Variants in FRMD4A observed in about 807,000 individuals in gnomAD.
FRMD4A encodes FERM domain containing 4A, also known as FERM domain-containing protein 4A.
In FRMD4A, 29 loss-of-function variants were observed where a neutral mutation model predicts 129.1. The observed-to-expected ratio is 0.22, with a 90% CI of 0.17 to 0.31. The LOEUF is 0.31. Ranked by LOEUF, FRMD4A falls within the 10% of genes least tolerant of loss-of-function variation. FRMD4A has a pLI of 1.00. For synonymous variants in FRMD4A, 634 were observed against 571.6 expected, an observed-to-expected ratio of 1.11 and a Z score of -1.56; for missense variants, 1,272 against 1,375.8, an observed-to-expected ratio of 0.92 and a Z score of 1.19.
intron 23 of FRMD4A, chr10:13,654,082 G>T: frequency 2.2e-6 from 1 of 457,080 alleles, no homozygotes; most frequent in Non-Finnish European, 3.8e-6. Context: ...CTGGCATTTT[G>T]AGTCAGCCTG....
intron 2 of FRMD4A, among the ~76,000 whole-genome samples, chr10:14,319,928 G>A (rs915010629): frequency 6.6e-6 from 1 of 152,028 alleles, no homozygotes; most frequent in African/African-American, 2.4e-5. Context: ...ATGTGTCATG[G>A]TCCCTGCACC....
At chr10:13,803,198 C>T (rs2093292465) in intron 4 of FRMD4A, among the ~76,000 whole-genome samples, 1 of 149,072 alleles carries the variant, frequency 6.7e-6, no homozygotes, top group African/African-American at 2.5e-5. Flanking sequence ...TCACTATAAA[C>T]CTTTAATAAT....
intron 2 of FRMD4A, among the ~76,000 whole-genome samples, chr10:14,080,774 G>A (rs769982565): frequency 3.3e-5 from 5 of 152,012 alleles, no homozygotes; most frequent in Non-Finnish European, 7.4e-5. Context: ...TCAGTGTCCA[G>A]TTGGCATCTC....
At chr10:13,741,228 T>C (rs2090987846) in intron 9 of FRMD4A, among the ~76,000 whole-genome samples, 1 of 151,272 alleles carries the variant, frequency 6.6e-6, no homozygotes, top group African/African-American at 2.4e-5. Context: ...CATGGGGGGA[T>C]TGCTTGAGCC....
At chr10:14,215,030 T>A (rs114394494) in intron 2 of FRMD4A, among the ~76,000 whole-genome samples, 1,633 of 152,318 alleles carry the variant, frequency 0.011, 26 homozygotes, top group African/African-American at 0.037. Flanking sequence ...TTGGATCACT[T>A]AATGAGATTA....
intron 2 of FRMD4A, among the ~76,000 whole-genome samples, chr10:14,058,761 C>T (rs1156575899): frequency 1.3e-5 from 2 of 152,090 alleles, no homozygotes; most frequent in Non-Finnish European, 2.9e-5. Context: ...GCCACAGGGT[C>T]CCGGTGACTA....
chr10:14,267,692 G>A (rs755808986), intron 2 of FRMD4A, among the ~76,000 whole-genome samples: 13 of 152,178 alleles, frequency 8.5e-5, no homozygotes, highest in South Asian at 2.1e-4. Flanking sequence ...TCAGGTTTGC[G>A]TTGGGATAAA....
intron 2 of FRMD4A, among the ~76,000 whole-genome samples, chr10:14,117,641 C>G (rs1300565863): frequency 1.3e-5 from 2 of 152,182 alleles, no homozygotes; most frequent in African/African-American, 2.4e-5. Flanking sequence ...GCAAGATAGG[C>G]TGGTCACCTG....
intron 2 of FRMD4A, among the ~76,000 whole-genome samples, chr10:14,078,371 C>T (rs1426187474): frequency 6.6e-6 from 1 of 152,228 alleles, no homozygotes; most frequent in Non-Finnish European, 1.5e-5. Flanking sequence ...TGGCAACAGG[C>T]TCAAGGCTAT....
chr10:14,282,930 C>T (rs1729603113), intron 2 of FRMD4A, among the ~76,000 whole-genome samples: 1 of 152,196 alleles, frequency 6.6e-6, no homozygotes, highest in Non-Finnish European at 1.5e-5. Context: ...ACCACTTAAG[C>T]CTTAGCTACA....
At chr10:13,968,733 C>A (rs1048921900) in intron 2 of FRMD4A, among the ~76,000 whole-genome samples, 2 of 152,200 alleles carry the variant, frequency 1.3e-5, no homozygotes, top group Non-Finnish European at 2.9e-5. Flanking sequence ...GGATTACAGG[C>A]GTGAGCCACT....
At chr10:14,256,545 T>A (rs1473680577) in intron 2 of FRMD4A, among the ~76,000 whole-genome samples, 2 of 152,218 alleles carry the variant, frequency 1.3e-5, no homozygotes, top group African/African-American at 4.8e-5. Flanking sequence ...AGTGTAGTGT[T>A]GCTACAAATC....
chr10:13,910,913 AAAAAAAAAAAAAAG>A, intron 2 of FRMD4A, among the ~76,000 whole-genome samples: 1 of 75,012 alleles, frequency 1.3e-5, no homozygotes, highest in Non-Finnish European at 2.8e-5. Flanking sequence ...AAAAAAAAAA[AAAAAAAAAAAAAAG>A]TCTAGTGGTT....
intron 2 of FRMD4A, among the ~76,000 whole-genome samples, chr10:13,863,573 GAGTGTGA>G (rs2094322615): frequency 6.6e-6 from 1 of 152,136 alleles, no homozygotes. Flanking sequence ...CTGGGTGACA[GAGTGTGA>G]CCCTGTCTCA....
chr10:13,892,965 G>A (rs1175916700), intron 2 of FRMD4A, among the ~76,000 whole-genome samples: 1 of 152,108 alleles, frequency 6.6e-6, no homozygotes, highest in Non-Finnish European at 1.5e-5. Flanking sequence ...CAATAGAAAG[G>A]GAATTGGGCA....
At chr10:14,173,279 C>T (rs1169760108) in intron 2 of FRMD4A, among the ~76,000 whole-genome samples, 1 of 152,144 alleles carries the variant, frequency 6.6e-6, no homozygotes, top group African/African-American at 2.4e-5. Context: ...ACACCTTCAT[C>T]GTCTGAGCTT....
At chr10:14,157,049 C>T (rs1290052533) in intron 2 of FRMD4A, among the ~76,000 whole-genome samples, 1 of 151,976 alleles carries the variant, frequency 6.6e-6, no homozygotes. Context: ...ATGTTTTCAA[C>T]TCCCCACCCC....
intron 2 of FRMD4A, among the ~76,000 whole-genome samples, chr10:14,318,413 C>T (rs1846834933): frequency 6.8e-6 from 1 of 146,808 alleles, no homozygotes; most frequent in Non-Finnish European, 1.5e-5. Flanking sequence ...AGGAAAAAAA[C>T]ATTATTGCCT....
chr10:14,184,446 G>A (rs1297097344), intron 2 of FRMD4A, among the ~76,000 whole-genome samples: 1 of 151,244 alleles, frequency 6.6e-6, no homozygotes, highest in Non-Finnish European at 1.5e-5. Context: ...AGTAATCTCA[G>A]TTATTTATCT....
Sources: allele counts gnomAD v4.1 joint callset (sites outside exome capture counted in the v4.1 genomes callset), GRCh38; gene constraint gnomAD v4.1.1; transcripts MANE v1.5; gene names NCBI Gene and HGNC (gene_info 2026-07-23, HGNC 2026-07-21).